RBFOX1: variants seen among roughly 807,000 people sequenced by gnomAD.
The protein encoded by RBFOX1 is RNA binding protein fox-1 homolog 1.
In RBFOX1, 8 loss-of-function variants were observed where a neutral mutation model predicts 57.7. The ratio of observed to expected loss-of-function variants is 0.14; its 90% CI spans 0.08 to 0.25. RBFOX1 has a LOEUF of 0.25. Among genes scored for constraint, RBFOX1 ranks in the 10% least tolerant of loss-of-function variants. RBFOX1 has a pLI of 1.00. For missense variants in RBFOX1, 611 were observed against 548.5 expected, an observed-to-expected ratio of 1.11 and a Z score of -1.14; for synonymous variants, 326 against 222.4, an observed-to-expected ratio of 1.47 and a Z score of -4.15.
chr16:5,826,086 T>TTAATATGAATAAGGAATAATATTCCG (rs2056039804), intron 3 of RBFOX1, among the ~76,000 whole-genome samples: 2 of 148,450 alleles, frequency 1.3e-5, no homozygotes, highest in Non-Finnish European at 1.5e-5. Context: ...ATAATATTCC[T>TTAATATGAATAAGGAATAATATTCCG]TAATATGAAT....
intron 3 of RBFOX1, among the ~76,000 whole-genome samples, chr16:6,966,847 C>A (rs1482615125): frequency 6.6e-6 from 1 of 151,930 alleles, no homozygotes; most frequent in Non-Finnish European, 1.5e-5. Flanking sequence ...ATCTATCCAT[C>A]CATCTATCCA....
intron 3 of RBFOX1, among the ~76,000 whole-genome samples, chr16:6,656,350 G>T (rs899947817): frequency 3.9e-5 from 6 of 152,066 alleles, no homozygotes; most frequent in African/African-American, 1.2e-4. Flanking sequence ...GATAACATAG[G>T]AACTGATGCT....
At chr16:5,782,622 C>G (rs913962369) in intron 3 of RBFOX1, among the ~76,000 whole-genome samples, 1 of 152,142 alleles carries the variant, frequency 6.6e-6, no homozygotes, top group Non-Finnish European at 1.5e-5. Context: ...TCCAGGGAAA[C>G]AGAACCAATG....
intron 4 of RBFOX1, among the ~76,000 whole-genome samples, chr16:7,151,712 G>A (rs546622374): frequency 6.6e-6 from 1 of 151,972 alleles, no homozygotes; most frequent in African/African-American, 2.4e-5. Flanking sequence ...CCATAATGTA[G>A]AATCAGTGGG....
intron 4 of RBFOX1, among the ~76,000 whole-genome samples, chr16:5,980,343 G>A (rs2060147611): frequency 6.6e-6 from 1 of 152,192 alleles, no homozygotes; most frequent in African/African-American, 2.4e-5. Context: ...AGATGGTAAT[G>A]ACCTCCCAGG....
At chr16:6,924,956 C>A (rs371991691) in intron 3 of RBFOX1, among the ~76,000 whole-genome samples, 12 of 150,138 alleles carry the variant, frequency 8.0e-5, no homozygotes, top group African/African-American at 2.4e-4. Context: ...TTTGCCCTTG[C>A]GATAGTTTGC....
chr16:6,717,964 C>T (rs1246072886), intron 3 of RBFOX1, among the ~76,000 whole-genome samples: 1 of 152,174 alleles, frequency 6.6e-6, no homozygotes, highest in Admixed American at 6.5e-5. Flanking sequence ...AAAATAAATT[C>T]TGTAGGTGGC....
intron 3 of RBFOX1, among the ~76,000 whole-genome samples, chr16:5,814,012 T>G (rs2055530451): frequency 6.6e-6 from 1 of 152,382 alleles, no homozygotes; most frequent in East Asian, 1.9e-4. Context: ...TAACTTATTT[T>G]AAGCAATTAG....
At chr16:7,574,305 G>A (rs1462372098) in intron 5 of RBFOX1, among the ~76,000 whole-genome samples, 1 of 152,186 alleles carries the variant, frequency 6.6e-6, no homozygotes, top group African/African-American at 2.4e-5. Context: ...CTGTATCAGG[G>A]TTCTCTAGAG....
At chr16:6,373,566 T>G (rs573259057) in intron 2 of RBFOX1, among the ~76,000 whole-genome samples, 48 of 151,832 alleles carry the variant, frequency 3.2e-4, no homozygotes, top group Middle Eastern at 3.4e-3. Context: ...GATTGTTGTG[T>G]AGAATGGAGA....
chr16:6,916,811 G>C lies in RBFOX1; in HGVS notation c.-15-135246G>C, dbSNP rs112483318. ...AGGCTGAGTTCAAACTTCGAAGTTTGAATTTGTACCTTGATCTTGTTTTTT... is the reference window on the plus strand; with the variant it reads ...AGGCTGAGTTCAAACTTCGAAGTTTCAATTTGTACCTTGATCTTGTTTTTT... On this transcript the variant is annotated intron_variant, in intron 3 of 15. Transcript: ENST00000550418. Among the ~76,000 whole-genome samples the C allele has an allele frequency of 1.6e-3, 249 of 152,168 alleles. 1 individual carries two copies. The highest frequency in any genetic ancestry group is 5.6e-3 in the African/African-American group (231 of 41,530).
chr16:5,790,823 C>T (rs1219621314), intron 3 of RBFOX1, among the ~76,000 whole-genome samples: 1 of 151,676 alleles, frequency 6.6e-6, no homozygotes, highest in Admixed American at 6.6e-5. Flanking sequence ...TCTTGTGGCC[C>T]TCTGCCCGTT....
At chr16:6,936,901 G>A (rs536465896) in intron 3 of RBFOX1, among the ~76,000 whole-genome samples, 1 of 137,676 alleles carries the variant, frequency 7.3e-6, no homozygotes, top group East Asian at 2.3e-4. Context: ...AGAGTGTGAT[G>A]TTCCCCTTCC....
intron 2 of RBFOX1, among the ~76,000 whole-genome samples, chr16:6,339,064 A>G (rs184737039): frequency 6.6e-6 from 1 of 152,338 alleles, no homozygotes; most frequent in Admixed American, 6.5e-5. Flanking sequence ...GAATATGGCA[A>G]GAAATGTATG....
intron 3 of RBFOX1, among the ~76,000 whole-genome samples, chr16:6,717,244 A>T (rs2154157645): frequency 6.6e-6 from 1 of 152,322 alleles, no homozygotes; most frequent in South Asian, 2.1e-4. Flanking sequence ...TGTTAAAAAA[A>T]AAAGATACCC....
intron 4 of RBFOX1, among the ~76,000 whole-genome samples, chr16:7,203,243 A>C (rs567118699): frequency 6.6e-6 from 1 of 152,230 alleles, no homozygotes; most frequent in Non-Finnish European, 1.5e-5. Flanking sequence ...CGCATGCTTC[A>C]CAAATGAGCC....
intron 13 of RBFOX1, among the ~76,000 whole-genome samples, chr16:7,676,547 T>G (rs2073331565): frequency 6.6e-6 from 1 of 152,202 alleles, no homozygotes; most frequent in Non-Finnish European, 1.5e-5. Context: ...GCTCTTCTTT[T>G]GGGATGTGCT....
At chr16:6,103,284 T>C (rs2096336898) in intron 1 of RBFOX1, among the ~76,000 whole-genome samples, 1 of 152,170 alleles carries the variant, frequency 6.6e-6, no homozygotes, top group Admixed American at 6.5e-5. Flanking sequence ...TTACTTTCAT[T>C]CTGCAGTACT....
intron 3 of RBFOX1, among the ~76,000 whole-genome samples, chr16:6,758,484 TG>T (rs2076143138): frequency 6.6e-6 from 1 of 152,278 alleles, no homozygotes; most frequent in East Asian, 1.9e-4. Flanking sequence ...GCCTTGGCAC[TG>T]ATTAATTGAC....
Sources: allele counts gnomAD v4.1 joint callset (sites outside exome capture counted in the v4.1 genomes callset), GRCh38; gene constraint gnomAD v4.1.1; transcripts MANE v1.5; gene names NCBI Gene and HGNC (gene_info 2026-07-23, HGNC 2026-07-21).